Variants in NAT10 observed in about 807,000 individuals in gnomAD.
The protein encoded by NAT10 is N-acetyltransferase 10, also known as RNA cytidine acetyltransferase.
NAT10 carries 109 observed loss-of-function variants against 132.2 expected under a neutral mutation model. That is an observed-to-expected ratio of 0.82 (90% CI 0.71 to 0.97). The LOEUF (loss-of-function observed/expected upper bound fraction) is 0.97. NAT10 is among the 50% of genes least tolerant of loss of function. The probability of loss-of-function intolerance (pLI) is 0.00; values close to 1 mark genes in which losing one functional copy is unlikely to be tolerated. For synonymous variants in NAT10, 479 were observed against 478.0 expected, an observed-to-expected ratio of 1.00 and a Z score of -0.03; for missense variants, 1,184 against 1,263.4, an observed-to-expected ratio of 0.94 and a Z score of 0.95.
intron 6 of NAT10, 77 bp from the exon 7 acceptor site, chr11:34,118,103 T>G: frequency 8.1e-7 from 1 of 1,241,348 alleles, no homozygotes; most frequent in Non-Finnish European, 1.2e-6. Context: ...CAGTTAATTT[T>G]TTTGAAGAAA....
At chr11:34,124,226 A>G (rs1851945307) in intron 10 of NAT10, 76 bp from the exon 11 acceptor site, 9 of 958,920 alleles carry the variant, frequency 9.4e-6, no homozygotes, top group Admixed American at 7.9e-5. Context: ...AGTCTTTAGA[A>G]TACTTGCTTA....
chr11:34,127,747 T>C (rs1590771615), intron 12 of NAT10, 148 bp downstream of exon 12: 5 of 981,750 alleles, frequency 5.1e-6, no homozygotes, highest in Non-Finnish European at 5.9e-6. Flanking sequence ...CTACTGGGCT[T>C]CTGCAAATGG....
At chr11:34,114,058 C>T (rs902185103) in intron 5 of NAT10, among the ~76,000 whole-genome samples, 3 of 152,182 alleles carry the variant, frequency 2.0e-5, no homozygotes, top group Non-Finnish European at 1.5e-5. Context: ...CCTTTGTTTT[C>T]AGGCACTTGC....
intron 10 of NAT10, among the ~76,000 whole-genome samples, 198 bp from the exon 11 acceptor site, chr11:34,124,104 G>A (rs1260010185): frequency 6.6e-6 from 1 of 152,124 alleles, no homozygotes; most frequent in Non-Finnish European, 1.5e-5. Context: ...GGGAGGCGGA[G>A]GTTGCAGTGA....
In NAT10 at chr11:34,134,122, CCACTG is replaced by C. The variant is rs1852161018; in HGVS notation, c.1735-192_1735-188del. Among the ~76,000 whole-genome samples, 3 of 152,072 alleles carry C rather than the reference CCACTG, an allele frequency of 2.0e-5. No individual in the cohort carries two copies. The South Asian group carries it at 6.2e-4, about 32-fold the overall frequency. On this transcript the variant is annotated intron_variant, in intron 16 of 28. Transcript: ENST00000257829. ...GAGCTTGCAGTGAGCCGAGATAGCACCACTGCACTCCAGCCTGGGCGACAGAGTGA... is the reference window on the plus strand; with the variant it reads ...GAGCTTGCAGTGAGCCGAGATAGCACCACTCCAGCCTGGGCGACAGAGTGA...
Position 34,115,766 on chromosome 11 carries a change from C to A in NAT10, c.496-57C>A, listed in dbSNP as rs1590762721. 4.4e-6 allele frequency: 7 copies of A among 1,576,166 alleles called. No homozygotes were observed. The East Asian group carries it at 1.6e-4, about 35-fold the overall frequency. On this transcript the variant is annotated intron_variant, in intron 5 of 28. Transcript: ENST00000257829. ...TTGGATAGAGCTTTGTATTTGGACC[C>A]TGGTCCTCAGCACTGTTTGCATGCC...
At chr11:34,136,489 G>A (rs540501106) in intron 19 of NAT10, among the ~76,000 whole-genome samples, 153 bp from the exon 20 acceptor site, 5 of 152,242 alleles carry the variant, frequency 3.3e-5, no homozygotes, top group South Asian at 2.1e-4. Flanking sequence ...GCTTGACTCC[G>A]GTGTTCTCAT....
Position 34,108,734 on chromosome 11 carries a change from T to C in NAT10, c.109-8T>C. On this transcript the variant is annotated splice_region_variant and splice_polypyrimidine_tract_variant and intron_variant, in intron 2 of 28. Coordinates refer to ENST00000257829, the MANE Select transcript of NAT10 (RefSeq NM_024662.3). ...TGCCTGAAATTCTGTGACTTTTTTGTTTGGCAGGTGGTAATACTTCATCAC... is the reference window on the plus strand; with the variant it reads ...TGCCTGAAATTCTGTGACTTTTTTGCTTGGCAGGTGGTAATACTTCATCAC... 3 of 1,606,484 alleles carry C rather than the reference T, an allele frequency of 1.9e-6. No individual in the cohort carries two copies. Among genetic ancestry groups the C allele is most frequent in the Non-Finnish European group, 2.5e-6 (3 of 1,177,688 alleles).
rs554929403 is a variant in NAT10, at chr11:34,118,488, T to G, written c.765T>G (p.Cys255Trp). 2 of 1,613,724 alleles carry G rather than the reference T, an allele frequency of 1.2e-6. No homozygotes were observed. The highest frequency in any genetic ancestry group is 2.2e-5 in the South Asian group (2 of 91,024). Residue 255 changes from cysteine to tryptophan, a missense_variant, in exon 8 of 29, where the codon TGT becomes TGG. Cys to Trp is a radical substitution (Grantham distance 215). Transcript: ENST00000257829. ...CTGTGGGTGTGTTGGTGGACTGCTG[T>G]AAGACTCTAGACCAGGTGAGTGTGG... Reference protein sequence around the residue: ...TQPVGVLVDCCKTLDQAKAVL... With the variant: ...TQPVGVLVDCWKTLDQAKAVL...
chr11:34,129,710 C>T (rs1029584983), intron 12 of NAT10, among the ~76,000 whole-genome samples: 1 of 150,116 alleles, frequency 6.7e-6, no homozygotes, highest in African/African-American at 2.5e-5. Flanking sequence ...CAGGTTCAAC[C>T]CATTTCTCCT....
chr11:34,124,144 G>A (rs183924625), intron 10 of NAT10, among the ~76,000 whole-genome samples, 158 bp from the exon 11 acceptor site: 1 of 152,250 alleles, frequency 6.6e-6, no homozygotes, highest in East Asian at 1.9e-4. Context: ...ACTCCAGCCT[G>A]GGCTCGAAAC....
At position 34,134,387 on chromosome 11, in the gene NAT10, A is replaced by G; in HGVS notation, c.1803A>G (p.Ser601=). ...GTCTGTCTCGAGGCAAGAAGGCTTC[A>G]GGGGACCTGATTCCATGGACAGTGT... ...LNSLSRGKKA[S]GDLIPWTVSE... The change falls in exon 17 of 29, where the codon TCA becomes TCG. Residue 601 remains serine, a synonymous_variant. Coordinates refer to ENST00000257829, the MANE Select transcript of NAT10 (RefSeq NM_024662.3). 1 of 1,614,192 alleles carries G rather than the reference A, an allele frequency of 6.2e-7. No homozygotes were observed. The highest frequency in any genetic ancestry group is 1.1e-5 in the South Asian group (1 of 91,082).
intron 14 of NAT10, among the ~76,000 whole-genome samples, 163 bp from the exon 15 acceptor site, chr11:34,131,962 G>A (rs773763389): frequency 6.6e-6 from 1 of 152,148 alleles, no homozygotes; most frequent in Non-Finnish European, 1.5e-5. Context: ...GGGATTACCG[G>A]TGTGAGCCAA....
At chr11:34,140,629 G>T (rs973025048) in intron 24 of NAT10, 57 bp downstream of exon 24, 26 of 1,568,158 alleles carry the variant, frequency 1.7e-5, no homozygotes, top group Non-Finnish European at 2.2e-5. Flanking sequence ...CTGTTCATTT[G>T]CTGGGTGTTG....
chr11:34,121,668 T>C (rs1851896349), intron 8 of NAT10, among the ~76,000 whole-genome samples: 2 of 151,446 alleles, frequency 1.3e-5, no homozygotes, highest in Non-Finnish European at 2.9e-5. Context: ...GAGATCATCC[T>C]GGCCAACATG....
chr11:34,124,522 G>A (rs1851952487), intron 11 of NAT10, 122 bp downstream of exon 11: 1 of 644,890 alleles, frequency 1.6e-6, no homozygotes. Context: ...TTAGACAATG[G>A]TGGTGTTGTA....
Position 34,141,213 on chromosome 11 carries a change from C to T in NAT10, c.2712+5C>T, listed in dbSNP as rs1171993255. 2 of 1,613,790 alleles carry T rather than the reference C, an allele frequency of 1.2e-6. No individual in the cohort carries two copies. The highest frequency in any genetic ancestry group is 1.7e-6 in the Non-Finnish European group (2 of 1,179,984). On this transcript the variant is annotated splice_donor_5th_base_variant and intron_variant, in intron 25 of 28. Coordinates refer to ENST00000257829, the MANE Select transcript of NAT10 (RefSeq NM_024662.3). The stretch of plus-strand genomic sequence containing the variant: ...ATCATCCGCAAAGTTGTGAAGGTAA[C>T]CTCAGCCTGAGGGCAGGGGCTTGAT...
In NAT10 at chr11:34,131,505, C is replaced by T; in HGVS notation, c.1494C>T (p.Gly498=). 1 of 1,614,050 alleles carries T rather than the reference C, an allele frequency of 6.2e-7. No individual in the cohort carries two copies. Among genetic ancestry groups the T allele is most frequent in the African/African-American group, 1.3e-5 (1 of 75,018 alleles). ...TCAACATCACTCGGATAGTCTCAGG[C>T]TGCCCCTTGCCTGAAGCTTGTGAAC... ...DCLNITRIVS[G]CPLPEACELY... is the part of the protein sequence containing the mutation. Residue 498 remains glycine (G), a synonymous_variant, in exon 14 of 29, where the codon GGC becomes GGT. Coordinates refer to ENST00000257829, the MANE Select transcript of NAT10 (RefSeq NM_024662.3).
intron 24 of NAT10, 28 bp downstream of exon 24, chr11:34,140,600 A>T: frequency 6.2e-7 from 1 of 1,603,738 alleles, no homozygotes; most frequent in South Asian, 1.1e-5. Context: ...TGCGTGGAGG[A>T]GAAGCGAGGA....
Sources: gnomAD v4.1 joint callset for allele counts (sites outside exome capture counted in the v4.1 genomes callset) on GRCh38, gnomAD v4.1.1 for gene constraint, MANE v1.5 for transcripts, NCBI Gene and HGNC (gene_info 2026-07-23, HGNC 2026-07-21) for gene names.